Variants in DIAPH3 observed in about 807,000 individuals in gnomAD.
DIAPH3 encodes protein diaphanous homolog 3.
A neutral mutation model predicts 144.3 loss-of-function variants in DIAPH3; 117 were observed. The observed-to-expected ratio is 0.81, with a 90% CI of 0.70 to 0.95. The LOEUF (loss-of-function observed/expected upper bound fraction) is 0.95, where lower values mean the gene tolerates loss of function less well. Among genes scored for constraint, DIAPH3 ranks in the 40% least tolerant of loss-of-function variants. The pLI is 0.00. For synonymous variants in DIAPH3, 519 were observed against 488.9 expected, an observed-to-expected ratio of 1.06 and a Z score of -0.81; for missense variants, 1,421 against 1,412.7, an observed-to-expected ratio of 1.01 and a Z score of -0.09.
intron 27 of DIAPH3, among the ~76,000 whole-genome samples, chr13:59,674,716 C>G (rs374129777): frequency 1.4e-4 from 21 of 152,292 alleles, no homozygotes; most frequent in African/African-American, 5.1e-4. Flanking sequence ...ATATGCCCTA[C>G]TACTACTTCA....
chr13:60,094,631 T>C (rs2058052063), intron 3 of DIAPH3, among the ~76,000 whole-genome samples: 2 of 152,194 alleles, frequency 1.3e-5, no homozygotes, highest in South Asian at 4.1e-4. Flanking sequence ...CTACTCAGAA[T>C]GGATCCATAA....
chr13:60,036,926 ATT>A (rs1368584913), intron 5 of DIAPH3, among the ~76,000 whole-genome samples: 1 of 71,788 alleles, frequency 1.4e-5, no homozygotes, highest in Non-Finnish European at 3.0e-5. Flanking sequence ...CAATGGCAAA[ATT>A]TTCACAGAAA....
chr13:59,911,627 A>ATT (rs1185898586), intron 20 of DIAPH3, 108 bp downstream of exon 20: 30 of 813,802 alleles, frequency 3.7e-5, no homozygotes, highest in African/African-American at 5.1e-5. Flanking sequence ...TGGATATTAA[A>ATT]TGTATGTGAT....
intron 9 of DIAPH3, among the ~76,000 whole-genome samples, chr13:59,993,361 T>G (rs892899775): frequency 1.4e-4 from 21 of 151,812 alleles, no homozygotes; most frequent in African/African-American, 4.1e-4. Context: ...TAGAGAAGCA[T>G]TCTTTGTTGT....
At chr13:59,875,162 T>C (rs1016837790) in intron 21 of DIAPH3, among the ~76,000 whole-genome samples, 3 of 152,158 alleles carry the variant, frequency 2.0e-5, no homozygotes, top group Non-Finnish European at 4.4e-5. Context: ...GCATCTACCA[T>C]CTGCCGATTT....
At chr13:60,028,055 C>G (rs1045778895) in intron 5 of DIAPH3, among the ~76,000 whole-genome samples, 10 of 152,144 alleles carry the variant, frequency 6.6e-5, no homozygotes, top group Non-Finnish European at 1.2e-4. Context: ...CTCCACAGAA[C>G]TGCCTTTGTA....
intron 7 of DIAPH3, chr13:60,013,238 A>T (rs1047603210): frequency 3.0e-6 from 3 of 983,964 alleles, no homozygotes; most frequent in Non-Finnish European, 3.6e-6. Context: ...GCCTATTATT[A>T]GCTAATAGAT....
intron 9 of DIAPH3, among the ~76,000 whole-genome samples, chr13:60,001,126 C>G (rs920766712): frequency 2.0e-5 from 3 of 152,160 alleles, no homozygotes; most frequent in African/African-American, 7.2e-5. Flanking sequence ...CAGCATATCT[C>G]TCCAGAGCAA....
Position 59,777,057 on chromosome 13 carries a change from C to T in DIAPH3, c.3164-2234G>A, listed in dbSNP as rs557274763. 4.6e-5 allele frequency among the ~76,000 whole-genome samples: 7 copies of T among 152,278 alleles called. No homozygotes were observed. In the East Asian group the frequency reaches 1.2e-3, roughly 25 times the overall value. On this transcript the variant is annotated intron_variant, in intron 25 of 27. Transcript: ENST00000400324. ...AATCTTCGTTTCTAATGACCTCTCT[C>T]GCCCTCAGATCTTGGTTTCTACATA...
intron 24 of DIAPH3, among the ~76,000 whole-genome samples, chr13:59,823,627 A>G (rs566508267): frequency 3.3e-4 from 50 of 152,280 alleles, no homozygotes; most frequent in African/African-American, 1.2e-3. Context: ...CCTTCCTCTA[A>G]CACATATAAT....
At chr13:59,792,284 T>C (rs910768002) in intron 25 of DIAPH3, among the ~76,000 whole-genome samples, 2 of 152,106 alleles carry the variant, frequency 1.3e-5, no homozygotes, top group African/African-American at 4.8e-5. Context: ...TTTTTCCTCA[T>C]GTAAAAAGCA....
intron 17 of DIAPH3, among the ~76,000 whole-genome samples, chr13:59,943,775 A>T (rs1254928854): frequency 2.0e-5 from 3 of 152,208 alleles, no homozygotes; most frequent in Non-Finnish European, 2.9e-5. Flanking sequence ...TATTTATTCT[A>T]TCAGAAGCCC....
At chr13:60,008,737 C>A (rs1426377302) in intron 8 of DIAPH3, 88 bp from the exon 9 acceptor site, 3 of 810,154 alleles carry the variant, frequency 3.7e-6, no homozygotes, top group Non-Finnish European at 6.5e-6. Flanking sequence ...GAAGTCAATA[C>A]CCTAAGCAGC....
intron 27 of DIAPH3, among the ~76,000 whole-genome samples, chr13:59,711,839 T>C (rs1316812493): frequency 6.6e-6 from 1 of 152,160 alleles, no homozygotes; most frequent in African/African-American, 2.4e-5. Context: ...AAAAAATTGT[T>C]GCACGAATAA....
intron 27 of DIAPH3, among the ~76,000 whole-genome samples, chr13:59,755,803 T>C (rs2139149645): frequency 6.6e-6 from 1 of 152,288 alleles, no homozygotes. Context: ...GTATTTCTAA[T>C]GTGGCCAAGG....
chr13:59,812,131 C>T (rs1004711911), intron 24 of DIAPH3, among the ~76,000 whole-genome samples: 7 of 151,892 alleles, frequency 4.6e-5, no homozygotes, highest in African/African-American at 1.5e-4. Context: ...TTATTTTAAC[C>T]CTAGAGTTAG....
At chr13:59,958,171 G>T (rs903461013) in intron 17 of DIAPH3, among the ~76,000 whole-genome samples, 2 of 151,954 alleles carry the variant, frequency 1.3e-5, no homozygotes, top group African/African-American at 4.8e-5. Context: ...TTTATATACT[G>T]TATTTTTAAT....
intron 27 of DIAPH3, among the ~76,000 whole-genome samples, chr13:59,709,550 A>T (rs1179268541): frequency 6.6e-6 from 1 of 152,246 alleles, no homozygotes. Flanking sequence ...ATGAGATACC[A>T]TCTCACACCA....
At chr13:59,886,955 A>G (rs961091068) in intron 20 of DIAPH3, among the ~76,000 whole-genome samples, 2 of 152,046 alleles carry the variant, frequency 1.3e-5, no homozygotes, top group Non-Finnish European at 2.9e-5. Context: ...ATGCAAATAG[A>G]CACCTTTACC....
Sources: allele counts gnomAD v4.1 joint callset (sites outside exome capture counted in the v4.1 genomes callset), GRCh38; gene constraint gnomAD v4.1.1; transcripts MANE v1.5; gene names NCBI Gene and HGNC (gene_info 2026-07-23, HGNC 2026-07-21).